TCF12: variants seen among roughly 807,000 people sequenced by gnomAD.
TCF12 encodes transcription factor 12.
In TCF12, 45 loss-of-function variants were observed where a neutral mutation model predicts 86.0. That is an observed-to-expected ratio of 0.52 (90% CI 0.41 to 0.67). The LOEUF (loss-of-function observed/expected upper bound fraction) is 0.67. TCF12 is among the 30% of genes least tolerant of loss of function. The probability of loss-of-function intolerance (pLI) is 0.00; values close to 1 mark genes in which losing one functional copy is unlikely to be tolerated. For missense variants in TCF12, 881 were observed against 859.9 expected (o/e 1.02, Z -0.31); for synonymous variants, 330 against 299.6 (o/e 1.10, Z -1.05).
intron 13 of TCF12, chr15:57,247,330 G>C: frequency 1.5e-6 from 1 of 655,574 alleles, no homozygotes; most frequent in Non-Finnish European, 2.8e-6. Flanking sequence ...TTCCATCAGA[G>C]TTTCCACCAC....
chr15:57,056,104 C>T (rs2464429), intron 3 of TCF12, among the ~76,000 whole-genome samples: 86,026 of 146,600 alleles, frequency 0.59, 24,781 homozygotes, highest in Admixed American at 0.63. Context: ...ATTTCAGATA[C>T]TTAGTTTTAG....
At chr15:57,212,785 C>G (rs1597357456) in intron 8 of TCF12, among the ~76,000 whole-genome samples, 1 of 152,252 alleles carries the variant, frequency 6.6e-6, no homozygotes, top group East Asian at 1.9e-4. Context: ...GAAAATTAGG[C>G]TCAGGGAGAG....
At position 57,289,167 on chromosome 15, in the gene TCF12, G is replaced by A. The variant is rs2062024807; in HGVS notation, c.*3022G>A. On this transcript the variant is annotated 3_prime_UTR_variant, in exon 21 of 21. Coordinates refer to ENST00000333725, the MANE Select transcript of TCF12 (RefSeq NM_207037.2). ...GGTATGCTGGCAGATTGCTTCTCTTGGTGAATTATGAAATCCACTGTTCAC... is the reference window on the plus strand; with the variant it reads ...GGTATGCTGGCAGATTGCTTCTCTTAGTGAATTATGAAATCCACTGTTCAC... 6.6e-6 allele frequency: 1 copy of A among 152,014 alleles called. No homozygotes were observed. The highest frequency in any genetic ancestry group is 2.4e-5 in the African/African-American group (1 of 41,370). 9.4% of individuals were successfully genotyped at this position (152,014 alleles called of 1,614,324 possible).
intron 6 of TCF12, among the ~76,000 whole-genome samples, chr15:57,170,759 T>TAATATATATATTATATATTA (rs1567559665): frequency 3.4e-4 from 11 of 32,648 alleles, no homozygotes; most frequent in African/African-American, 1.4e-3. Flanking sequence ...ATATTATATA[T>TAATATATATATTATATATTA]TATATATATA....
rs536580185 is a variant in TCF12 at position 57,174,331 on chromosome 15, A to G, written c.390+7865A>G. On this transcript the variant is annotated intron_variant, in intron 6 of 20. Coordinates refer to ENST00000333725, the MANE Select transcript of TCF12 (RefSeq NM_207037.2). The stretch of plus-strand genomic sequence containing the variant: ...GAAGAAAAACAATGTGATCATTTCC[A>G]TAGATACAGAAAAGATATTTGACAA... Among the ~76,000 whole-genome samples, 15 of 152,356 alleles carry G rather than the reference A, an allele frequency of 9.8e-5. No homozygotes were observed. In the East Asian group the frequency reaches 2.1e-3, roughly 22 times the overall value.
intron 5 of TCF12, among the ~76,000 whole-genome samples, chr15:57,123,957 A>G (rs2051427461): frequency 7.3e-6 from 1 of 137,040 alleles, no homozygotes; most frequent in Non-Finnish European, 1.6e-5. Context: ...CGACAGAGTG[A>G]GACTCCGTCT....
chr15:57,271,435 AC>A (rs2061138111), intron 18 of TCF12, among the ~76,000 whole-genome samples: 1 of 152,208 alleles, frequency 6.6e-6, no homozygotes, highest in Non-Finnish European at 1.5e-5. Context: ...GGTTGCGAAG[AC>A]TGTGGGAAAA....
chr15:57,059,165 T>G (rs560558688), intron 3 of TCF12, among the ~76,000 whole-genome samples: 1 of 152,310 alleles, frequency 6.6e-6, no homozygotes, highest in East Asian at 1.9e-4. Flanking sequence ...ACATTTTACT[T>G]TCTAGAATAA....
At position 56,929,570 on chromosome 15, in the gene TCF12, C is replaced by T. The variant is rs550953372; in HGVS notation, c.148+8472C>T. Among the ~76,000 whole-genome samples the T allele has an allele frequency of 2.6e-3, 389 of 152,056 alleles. 2 individuals are homozygous for T. Among genetic ancestry groups the T allele is most frequent in the Middle Eastern group, 0.017 (5 of 294 alleles). The stretch of plus-strand genomic sequence containing the variant: ...CTCATAAAGACCATGGTGAGTCATC[C>T]AAGCTACTGTAAGCTGCTTGGGGAC... On this transcript the variant is annotated intron_variant, in intron 3 of 20. Coordinates refer to ENST00000333725, the MANE Select transcript of TCF12 (RefSeq NM_207037.2).
intron 19 of TCF12, among the ~76,000 whole-genome samples, chr15:57,276,806 T>C (rs1476767550): frequency 8.3e-6 from 1 of 120,720 alleles, no homozygotes; most frequent in Admixed American, 1.0e-4. Context: ...CTTTTTTTTT[T>C]CCTTTTTTTT....
intron 5 of TCF12, among the ~76,000 whole-genome samples, chr15:57,125,965 T>C (rs181253457): frequency 6.6e-5 from 10 of 152,210 alleles, no homozygotes; most frequent in Non-Finnish European, 1.2e-4. Context: ...GCACAGTGGC[T>C]TACACCTGTA....
chr15:57,256,543 T>TCCC (rs1566997445), intron 16 of TCF12, among the ~76,000 whole-genome samples: 30 of 138,252 alleles, frequency 2.2e-4, no homozygotes, highest in Non-Finnish European at 3.0e-4. Context: ...TGGAATCGAT[T>TCCC]CCCCACCCCC....
At chr15:57,027,519 G>A (rs2141311011) in intron 3 of TCF12, among the ~76,000 whole-genome samples, 1 of 152,210 alleles carries the variant, frequency 6.6e-6, no homozygotes, top group African/African-American at 2.4e-5. Context: ...AATCTGTTGT[G>A]AAATTCTCTA....
intron 8 of TCF12, among the ~76,000 whole-genome samples, chr15:57,206,784 C>T (rs1378866707): frequency 2.6e-5 from 4 of 151,426 alleles, no homozygotes; most frequent in Non-Finnish European, 5.9e-5. Flanking sequence ...GTGCCAATCA[C>T]CATTTTTTTT....
intron 16 of TCF12, among the ~76,000 whole-genome samples, chr15:57,260,929 G>A (rs2060558652): frequency 6.6e-6 from 1 of 152,150 alleles, no homozygotes; most frequent in Non-Finnish European, 1.5e-5. Flanking sequence ...GTTAGGTTGA[G>A]TACTTCAGAT....
At chr15:56,986,267 G>T (rs1231335243) in intron 3 of TCF12, among the ~76,000 whole-genome samples, 3 of 152,084 alleles carry the variant, frequency 2.0e-5, no homozygotes, top group Admixed American at 1.3e-4. Flanking sequence ...TACGTTTCTG[G>T]TTTTTGGTGT....
intron 2 of TCF12, 145 bp downstream of exon 2, chr15:56,920,133 T>C: frequency 1.2e-6 from 1 of 869,530 alleles, no homozygotes. Context: ...AAGCAGTAGT[T>C]CTCAGGGCTG....
chr15:57,069,584 A>G (rs1245096337), intron 4 of TCF12, among the ~76,000 whole-genome samples: 1 of 152,170 alleles, frequency 6.6e-6, no homozygotes, highest in African/African-American at 2.4e-5. Context: ...ACATGAGGAA[A>G]CTGAAACGAC....
chr15:56,971,398 G>A (rs1461635184), intron 3 of TCF12, among the ~76,000 whole-genome samples: 1 of 152,072 alleles, frequency 6.6e-6, no homozygotes, highest in East Asian at 1.9e-4. Context: ...CTGGACTACA[G>A]CCTGGGTGAC....
Sources: gnomAD v4.1 joint callset for allele counts (sites outside exome capture counted in the v4.1 genomes callset) on GRCh38, gnomAD v4.1.1 for gene constraint, MANE v1.5 for transcripts, NCBI Gene and HGNC (gene_info 2026-07-23, HGNC 2026-07-21) for gene names.